Variants in LDB2 observed in about 807,000 individuals in gnomAD.
LDB2 encodes LIM domain-binding protein 2.
In LDB2, 12 loss-of-function variants were observed where a neutral mutation model predicts 44.3. That is an observed-to-expected ratio of 0.27 (90% confidence interval 0.17 to 0.44). The LOEUF (loss-of-function observed/expected upper bound fraction) is 0.44. Ranked by LOEUF, LDB2 falls within the 20% of genes least tolerant of loss-of-function variation. The probability of loss-of-function intolerance (pLI) is 1.00; values close to 1 mark genes in which losing one functional copy is unlikely to be tolerated. For synonymous variants in LDB2, 164 were observed against 174.8 expected (o/e 0.94, Z 0.49); for missense variants, 344 against 473.5 (o/e 0.73, Z 2.54).
intron 1 of LDB2, among the ~76,000 whole-genome samples, chr4:16,791,174 G>A (rs1271741916): frequency 6.6e-6 from 1 of 152,122 alleles, no homozygotes; most frequent in African/African-American, 2.4e-5. Flanking sequence ...GTGCTTTAAT[G>A]CTTTGCTTAG....
intron 2 of LDB2, among the ~76,000 whole-genome samples, chr4:16,700,779 G>C (rs1167882792): frequency 1.3e-5 from 2 of 152,172 alleles, no homozygotes; most frequent in African/African-American, 4.8e-5. Flanking sequence ...TCCTGGGCCA[G>C]TTTGAATACA....
At chr4:16,632,395 A>G (rs1419733621) in intron 2 of LDB2, among the ~76,000 whole-genome samples, 2 of 152,230 alleles carry the variant, frequency 1.3e-5, no homozygotes, top group Non-Finnish European at 2.9e-5. Context: ...TTCATGCTAA[A>G]AACTCTCAAT....
chr4:16,751,530 T>C (rs1765499598), intron 2 of LDB2, among the ~76,000 whole-genome samples: 3 of 152,210 alleles, frequency 2.0e-5, no homozygotes, highest in Non-Finnish European at 2.9e-5. Context: ...CTTTCAGAAA[T>C]CTGTCAGTTC....
At chr4:16,778,930 A>G (rs1337169654) in intron 1 of LDB2, among the ~76,000 whole-genome samples, 5 of 152,248 alleles carry the variant, frequency 3.3e-5, no homozygotes, top group African/African-American at 9.6e-5. Flanking sequence ...CAGTTCTAAT[A>G]TTAGACCAAG....
chr4:16,880,795 T>C (rs531460940), intron 1 of LDB2, among the ~76,000 whole-genome samples: 60 of 151,388 alleles, frequency 4.0e-4, no homozygotes, highest in African/African-American at 1.4e-3. Context: ...TCCCAGCTAC[T>C]TGGGAGGCTG....
chr4:16,887,192 A>G (rs370102739), intron 1 of LDB2, among the ~76,000 whole-genome samples: 3 of 151,368 alleles, frequency 2.0e-5, no homozygotes, highest in Non-Finnish European at 4.4e-5. Context: ...CCTGGTAATT[A>G]CATAGTGACA....
At chr4:16,782,025 T>C (rs546013929) in intron 1 of LDB2, among the ~76,000 whole-genome samples, 11 of 152,336 alleles carry the variant, frequency 7.2e-5, no homozygotes, top group African/African-American at 2.6e-4. Context: ...GAATTTCTGT[T>C]ATTTTCAAGC....
intron 2 of LDB2, among the ~76,000 whole-genome samples, chr4:16,732,088 A>G (rs1760882534): frequency 6.6e-6 from 1 of 152,084 alleles, no homozygotes; most frequent in African/African-American, 2.4e-5. Flanking sequence ...TTAGATTCTA[A>G]TCTGTTTTAT....
chr4:16,540,618 G>T (rs1560411340), intron 5 of LDB2, among the ~76,000 whole-genome samples: 1 of 152,002 alleles, frequency 6.6e-6, no homozygotes, highest in East Asian at 1.9e-4. Context: ...TCTCCTACTT[G>T]ATTGCAAGTT....
At chr4:16,636,682 T>C (rs1011445724) in intron 2 of LDB2, among the ~76,000 whole-genome samples, 1 of 152,046 alleles carries the variant, frequency 6.6e-6, no homozygotes, top group East Asian at 1.9e-4. Flanking sequence ...TAAGGGAATG[T>C]GGGGGTGGGG....
At chr4:16,813,799 C>T (rs1477078969) in intron 1 of LDB2, among the ~76,000 whole-genome samples, 1 of 152,076 alleles carries the variant, frequency 6.6e-6, no homozygotes, top group South Asian at 2.1e-4. Flanking sequence ...ATAGACATAT[C>T]TGTTTGTTTT....
At chr4:16,898,296 AG>A in intron 1 of LDB2, 57 bp downstream of exon 1, 1 of 1,537,400 alleles carries the variant, frequency 6.5e-7, no homozygotes, top group Non-Finnish European at 8.9e-7. Flanking sequence ...CCCTAGGAAA[AG>A]CTCATGCATA....
chr4:16,789,535 T>A (rs952997148), intron 1 of LDB2, among the ~76,000 whole-genome samples: 1 of 152,192 alleles, frequency 6.6e-6, no homozygotes, highest in Non-Finnish European at 1.5e-5. Flanking sequence ...CAGTTGTAGC[T>A]GCAAACAACA....
chr4:16,596,097 A>G (rs754876170), intron 2 of LDB2, among the ~76,000 whole-genome samples: 2 of 152,164 alleles, frequency 1.3e-5, no homozygotes, highest in African/African-American at 2.4e-5. Context: ...TCATCTCTCT[A>G]GATTTTGTGT....
At chr4:16,622,090 G>A (rs941915323) in intron 2 of LDB2, among the ~76,000 whole-genome samples, 2 of 152,214 alleles carry the variant, frequency 1.3e-5, no homozygotes, top group African/African-American at 4.8e-5. Flanking sequence ...AGAGGCTACT[G>A]CCACTTCCTT....
At chr4:16,822,471 C>T (rs1277625069) in intron 1 of LDB2, among the ~76,000 whole-genome samples, 1 of 152,124 alleles carries the variant, frequency 6.6e-6, no homozygotes, top group Non-Finnish European at 1.5e-5. Flanking sequence ...TTCCCATACT[C>T]TCTACATAAT....
At chr4:16,853,902 A>G (rs1788796168) in intron 1 of LDB2, among the ~76,000 whole-genome samples, 1 of 152,194 alleles carries the variant, frequency 6.6e-6, no homozygotes, top group Non-Finnish European at 1.5e-5. Flanking sequence ...ACACAATCTC[A>G]CCTAGATGTG....
chr4:16,693,378 T>G (rs1751313384), intron 2 of LDB2, among the ~76,000 whole-genome samples: 1 of 139,756 alleles, frequency 7.2e-6, no homozygotes. Flanking sequence ...TTGAGATGAA[T>G]TCTTGCCCTG....
intron 1 of LDB2, among the ~76,000 whole-genome samples, chr4:16,809,648 A>G (rs908131900): frequency 2.0e-5 from 3 of 151,814 alleles, no homozygotes; most frequent in African/African-American, 7.3e-5. Context: ...CAGTGACTAC[A>G]AGTTTTGTAC....
Sources: gnomAD v4.1 joint callset for allele counts (sites outside exome capture counted in the v4.1 genomes callset) on GRCh38, gnomAD v4.1.1 for gene constraint, MANE v1.5 for transcripts, NCBI Gene and HGNC (gene_info 2026-07-23, HGNC 2026-07-21) for gene names.